SAMD3: variants seen among roughly 807,000 people sequenced by gnomAD.
The protein encoded by SAMD3 is sterile alpha motif domain-containing protein 3.
SAMD3 carries 63 observed loss-of-function variants against 58.5 expected under a neutral mutation model. That is an observed-to-expected ratio of 1.08 (90% CI 0.88 to 1.33). The LOEUF (loss-of-function observed/expected upper bound fraction) is 1.33, where lower values mean the gene tolerates loss of function less well. Among genes scored for constraint, SAMD3 ranks in the 40% most tolerant of loss-of-function variants. The pLI, the probability that SAMD3 is intolerant of heterozygous loss-of-function variation, is 0.00. For synonymous variants in SAMD3, 220 were observed against 210.3 expected, an observed-to-expected ratio of 1.05 and a Z score of -0.40; for missense variants, 604 against 608.4, an observed-to-expected ratio of 0.99 and a Z score of 0.08.
chr6:130,332,340 A>T (rs1203000004), intron 1 of SAMD3, among the ~76,000 whole-genome samples: 1 of 152,210 alleles, frequency 6.6e-6, no homozygotes, highest in Non-Finnish European at 1.5e-5. Flanking sequence ...GAGGTAAATT[A>T]CATATTCAGA....
intron 9 of SAMD3, among the ~76,000 whole-genome samples, chr6:130,154,015 T>C (rs1264277180): frequency 6.6e-6 from 1 of 152,016 alleles, no homozygotes; most frequent in Non-Finnish European, 1.5e-5. Flanking sequence ...TATGAAATTA[T>C]TTGGGATCAT....
chr6:130,287,474 A>G (rs1775198326), intron 2 of SAMD3, among the ~76,000 whole-genome samples: 1 of 152,236 alleles, frequency 6.6e-6, no homozygotes, highest in African/African-American at 2.4e-5. Flanking sequence ...GTGAAACAGG[A>G]AAAAGAAATA....
At chr6:130,302,979 T>C (rs1348399275) in intron 2 of SAMD3, among the ~76,000 whole-genome samples, 5 of 152,142 alleles carry the variant, frequency 3.3e-5, no homozygotes, top group Non-Finnish European at 7.4e-5. Flanking sequence ...GCTGTTTGGG[T>C]GGCGAGTTAA....
At chr6:130,168,398 G>A (rs1790917765) in intron 8 of SAMD3, among the ~76,000 whole-genome samples, 1 of 152,100 alleles carries the variant, frequency 6.6e-6, no homozygotes, top group Admixed American at 6.5e-5. Context: ...TCATGCAACT[G>A]CACTCCAGCC....
intron 7 of SAMD3, among the ~76,000 whole-genome samples, chr6:130,180,224 G>C (rs1388999366): frequency 6.6e-6 from 1 of 150,600 alleles, no homozygotes; most frequent in Admixed American, 6.6e-5. Flanking sequence ...GGGCTCTAGT[G>C]GTCCTCCCAC....
At chr6:130,357,118 C>CTTTTTT (rs1169066063) in intron 1 of SAMD3, among the ~76,000 whole-genome samples, 65 of 91,724 alleles carry the variant, frequency 7.1e-4, no homozygotes, top group African/African-American at 1.1e-3. Flanking sequence ...GCCATGGCAT[C>CTTTTTT]TTTTTTTTTT....
intron 1 of SAMD3, chr6:130,313,213 C>CT (rs1326683277): frequency 1.3e-5 from 2 of 152,312 alleles, no homozygotes. Flanking sequence ...GGAGAGTACA[C>CT]TTTGAAAAGC....
At chr6:130,356,932 G>A (rs1487775145) in intron 1 of SAMD3, among the ~76,000 whole-genome samples, 1 of 152,144 alleles carries the variant, frequency 6.6e-6, no homozygotes, top group East Asian at 1.9e-4. Flanking sequence ...CATTTTGCAA[G>A]TGATTCACAA....
intron 2 of SAMD3, among the ~76,000 whole-genome samples, chr6:130,267,214 G>A (rs1264698887): frequency 6.6e-6 from 1 of 152,308 alleles, no homozygotes; most frequent in East Asian, 1.9e-4. Context: ...AGTGTGGCAT[G>A]GATTTGATCC....
intron 1 of SAMD3, among the ~76,000 whole-genome samples, chr6:130,327,085 A>T (rs2115007997): frequency 6.6e-6 from 1 of 152,334 alleles, no homozygotes; most frequent in African/African-American, 2.4e-5. Context: ...TACCTCATAA[A>T]TTATAAAATA....
At chr6:130,160,760 T>G (rs1193380592) in intron 8 of SAMD3, 2 of 152,092 alleles carry the variant, frequency 1.3e-5, no homozygotes, top group Non-Finnish European at 2.9e-5. Flanking sequence ...GGGAGAAAAT[T>G]ATAGGAGCAG....
intron 5 of SAMD3, among the ~76,000 whole-genome samples, chr6:130,202,911 C>A (rs1053742221): frequency 1.3e-5 from 2 of 152,264 alleles, no homozygotes; most frequent in East Asian, 3.9e-4. Context: ...TGATGCCCCC[C>A]CTCCTCCCCC....
chr6:130,308,832 T>G (rs1034322377), intron 2 of SAMD3, among the ~76,000 whole-genome samples: 2 of 152,146 alleles, frequency 1.3e-5, no homozygotes, highest in Non-Finnish European at 2.9e-5. Flanking sequence ...ATATGTAAAA[T>G]ACCAAAATTA....
chr6:130,343,919 C>T (rs1029705619), intron 1 of SAMD3, among the ~76,000 whole-genome samples: 26 of 151,878 alleles, frequency 1.7e-4, no homozygotes, highest in African/African-American at 4.6e-4. Flanking sequence ...GAACCGAGGT[C>T]GCACCACTGT....
At chr6:130,347,832 C>G (rs917945860) in intron 1 of SAMD3, among the ~76,000 whole-genome samples, 3 of 152,106 alleles carry the variant, frequency 2.0e-5, no homozygotes, top group African/African-American at 4.8e-5. Context: ...AGAGAGAAAG[C>G]TCGGGTTACC....
At chr6:130,184,801 T>C (rs1307241123) in intron 5 of SAMD3, among the ~76,000 whole-genome samples, 178 bp from the exon 6 acceptor site, 2 of 152,248 alleles carry the variant, frequency 1.3e-5, no homozygotes, top group Non-Finnish European at 2.9e-5. Flanking sequence ...GCTCATTAAG[T>C]GTCTTTGTCC....
At chr6:130,261,490 T>G (rs1210445976) in intron 2 of SAMD3, among the ~76,000 whole-genome samples, 1 of 152,200 alleles carries the variant, frequency 6.6e-6, no homozygotes, top group African/African-American at 2.4e-5. Context: ...ATACTTTGGT[T>G]TTGATTTCTG....
intron 2 of SAMD3, among the ~76,000 whole-genome samples, chr6:130,245,099 A>G (rs1203822750): frequency 1.3e-5 from 2 of 152,232 alleles, no homozygotes; most frequent in African/African-American, 2.4e-5. Context: ...ATGCATATCT[A>G]TGAATGTTTC....
At chr6:130,169,439 A>G (rs1791033967) in intron 8 of SAMD3, among the ~76,000 whole-genome samples, 1 of 152,212 alleles carries the variant, frequency 6.6e-6, no homozygotes, top group Non-Finnish European at 1.5e-5. Flanking sequence ...TGTAAGGGGG[A>G]AAAAAGTTAA....
Sources: gnomAD v4.1 joint callset for allele counts (sites outside exome capture counted in the v4.1 genomes callset) on GRCh38, gnomAD v4.1.1 for gene constraint, MANE v1.5 for transcripts, NCBI Gene and HGNC (gene_info 2026-07-23, HGNC 2026-07-21) for gene names.